HEATR4: variants seen among roughly 807,000 people sequenced by gnomAD.
The protein encoded by HEATR4 is HEAT repeat containing 4.
A neutral mutation model predicts 108.8 loss-of-function variants in HEATR4; 95 were observed. The ratio of observed to expected loss-of-function variants is 0.87; its 90% CI spans 0.74 to 1.04. HEATR4 has a LOEUF of 1.04. Among genes scored for constraint, HEATR4 ranks in the 50% least tolerant of loss-of-function variants. The pLI is 0.00. For missense variants in HEATR4, 1,152 were observed against 1,253.8 expected, an observed-to-expected ratio of 0.92 and a Z score of 1.23; for synonymous variants, 443 against 459.4, an observed-to-expected ratio of 0.96 and a Z score of 0.46.
At chr14:73,599,609 A>G in the HEATR4 span, among the ~76,000 whole-genome samples, 1 of 152,142 alleles carries the variant, frequency 6.6e-6, no homozygotes, top group Non-Finnish European at 1.5e-5. Flanking sequence ...CCATAAAAGT[A>G]GAGTCTCCAA....
the HEATR4 span, chr14:73,591,992 C>A: frequency 7.1e-7 from 1 of 1,418,268 alleles, no homozygotes; most frequent in Non-Finnish European, 9.2e-7. Context: ...AGCCCCCAGG[C>A]CGCTGCTGCT....
intron 1 of HEATR4, among the ~76,000 whole-genome samples, chr14:73,552,081 C>T (rs1305786571): frequency 8.7e-6 from 1 of 114,642 alleles, no homozygotes; most frequent in African/African-American, 2.8e-5. Flanking sequence ...TCCAAGTGAA[C>T]TTTCCTTTCT....
chr14:73,586,536 C>T, the HEATR4 span, among the ~76,000 whole-genome samples: 2 of 151,962 alleles, frequency 1.3e-5, no homozygotes, highest in Non-Finnish European at 2.9e-5. Flanking sequence ...AAAACCCCGC[C>T]TCTACTAAAA....
At chr14:73,504,409 A>AT (rs1241899417) in intron 10 of HEATR4, among the ~76,000 whole-genome samples, 1 of 151,558 alleles carries the variant, frequency 6.6e-6, no homozygotes, top group African/African-American at 2.4e-5. Flanking sequence ...CACCCGCCTA[A>AT]TTTTTTTTAT....
rs750363145 is a variant in HEATR4 at position 73,534,686 on chromosome 14, G to A, written c.-151-4442C>T. Among the ~76,000 whole-genome samples the A allele has an allele frequency of 1.1e-4, 12 of 113,904 alleles. 3 individuals are homozygous for A. Among genetic ancestry groups the A allele is most frequent in the African/African-American group, 2.9e-4 (10 of 34,936 alleles). The allele number at this position is 113,904 out of a possible 152,430, so 74.7% of individuals were successfully genotyped here. A position where few individuals can be genotyped will look rare whatever the true frequency, so the allele number is the denominator to read the frequency against. On this transcript the variant is annotated intron_variant, in intron 1 of 17. Coordinates refer to ENST00000553558, the MANE Select transcript of HEATR4 (RefSeq NM_001220484.1). ...CCTGGGTAACACAGTGAGACACCCC[G>A]TCTTAAAAAACAAACAAGCAAATAA...
At chr14:73,623,696 G>A in the HEATR4 span, among the ~76,000 whole-genome samples, 1 of 151,922 alleles carries the variant, frequency 6.6e-6, no homozygotes, top group South Asian at 2.1e-4. Flanking sequence ...AGAGAAATTT[G>A]CATCCCAATG....
chr14:73,492,126 C>G lies in HEATR4; in HGVS notation c.2844+940G>C. 2 of 1,613,966 alleles carry G rather than the reference C, an allele frequency of 1.2e-6. No individual in the cohort carries two copies. The highest frequency in any genetic ancestry group is 1.7e-6 in the Non-Finnish European group (2 of 1,179,846). On this transcript the variant is annotated intron_variant, in intron 17 of 17. Transcript: ENST00000553558. This position sits in a 1 kb window ranked among gnomAD's most constrained non-coding sequence, Gnocchi z 4.9. ...CCCCGAGTCCCAACCGAGGAACTGGCTCTGACATCCAGCCCCAACTTCAGT... is the reference window on the plus strand; with the variant it reads ...CCCCGAGTCCCAACCGAGGAACTGGGTCTGACATCCAGCCCCAACTTCAGT...
intron 15 of HEATR4, 141 bp downstream of exon 15, chr14:73,496,460 G>A: frequency 3.3e-6 from 2 of 598,606 alleles, no homozygotes; most frequent in Non-Finnish European, 6.0e-6. Flanking sequence ...ATCTTCAAAT[G>A]ATGTGGCATC....
the HEATR4 span, among the ~76,000 whole-genome samples, chr14:73,628,781 G>A: frequency 6.6e-6 from 1 of 151,388 alleles, no homozygotes; most frequent in Non-Finnish European, 1.5e-5. Context: ...TGCCACAGCA[G>A]TGGCTCATGC....
upstream of HEATR4, among the ~76,000 whole-genome samples, chr14:73,561,775 G>C (rs1211521400): frequency 6.6e-6 from 1 of 152,048 alleles, no homozygotes; most frequent in Non-Finnish European, 1.5e-5. Context: ...CTTGAATGTA[G>C]AAGTTCAAGA....
chr14:73,617,070 G>A, the HEATR4 span: 19 of 1,423,966 alleles, frequency 1.3e-5, no homozygotes, highest in Non-Finnish European at 1.7e-5. Context: ...CCTCCTGGCC[G>A]GACATGGTTT....
chr14:73,574,267 T>A, the HEATR4 span: 5 of 148,682 alleles, frequency 3.4e-5, no homozygotes, highest in African/African-American at 1.0e-4. Flanking sequence ...TCCAGTATTT[T>A]TTTTTTTTTT....
the HEATR4 span, among the ~76,000 whole-genome samples, chr14:73,585,144 A>G: frequency 6.6e-6 from 1 of 151,986 alleles, no homozygotes; most frequent in African/African-American, 2.4e-5. Flanking sequence ...TCTTACACCC[A>G]TGCACACACT....
At chr14:73,567,932 G>A in the HEATR4 span, 4 of 152,204 alleles carry the variant, frequency 2.6e-5, no homozygotes, top group African/African-American at 9.6e-5. Context: ...GAACATCAGA[G>A]GAAACAAACT....
intron 1 of HEATR4, among the ~76,000 whole-genome samples, chr14:73,549,567 G>A (rs1295592577): frequency 9.4e-6 from 1 of 106,024 alleles, no homozygotes; most frequent in Admixed American, 1.0e-4. Context: ...TGAACCTGGG[G>A]CTTCAGATCC....
rs189408218 is a variant in HEATR4 at position 73,533,270 on chromosome 14, T to C, written c.-151-3026A>G. On this transcript the variant is annotated intron_variant, in intron 1 of 17. Coordinates refer to ENST00000553558, the MANE Select transcript of HEATR4 (RefSeq NM_001220484.1). ...ACAGATATTTGTATACCCATGTTCA[T>C]AGCAGCATACTCACAATAGCCAAAC... Among the ~76,000 whole-genome samples, 609 of 115,608 alleles carry C rather than the reference T, an allele frequency of 5.3e-3. 142 individuals carry two copies. The highest frequency in any genetic ancestry group is 0.015 in the African/African-American group (550 of 35,556). 75.8% of individuals were successfully genotyped at this position (115,608 alleles called of 152,430 possible).
In HEATR4 at chr14:73,520,866, T is replaced by C. The variant is rs1224482338; in HGVS notation, c.1055A>G (p.Gln352Arg). The change falls in exon 4 of 18, where the codon CAG becomes CGG. Residue 352 changes from glutamine to arginine, a missense_variant. By Grantham distance (43) the Gln-to-Arg change is conservative. Coordinates refer to ENST00000553558, the MANE Select transcript of HEATR4 (RefSeq NM_001220484.1). ...FAYSTDNTFE[Q>R]EIYFDEVQII... Reference sequence around the variant, plus strand: ...AGCTCTATTACCAAAGTAAATCTCCTGTTCAAAGGTGTTGTCTGTGGAGTA... The same window carrying C: ...AGCTCTATTACCAAAGTAAATCTCCCGTTCAAAGGTGTTGTCTGTGGAGTA... The C allele has an allele frequency of 1.9e-6, 3 of 1,613,862 alleles. No homozygotes were observed. In the Admixed American group the frequency reaches 5.0e-5, roughly 27 times the overall value.
chr14:73,516,804 A>G lies in HEATR4; in HGVS notation c.1210+2219T>C, dbSNP rs1023846174. 3.9e-5 allele frequency among the ~76,000 whole-genome samples: 6 copies of G among 152,284 alleles called. No homozygotes were observed. In the East Asian group the frequency reaches 1.2e-3, roughly 29 times the overall value. The stretch of plus-strand genomic sequence containing the variant: ...GCATGAACCTTACTGTGAACTGCAC[A>G]TGTGAGGGGTCTAGGCTGCGCACCC... On this transcript the variant is annotated intron_variant, in intron 5 of 17. Coordinates refer to ENST00000553558, the MANE Select transcript of HEATR4 (RefSeq NM_001220484.1).
chr14:73,527,975 A>G (rs1888445433), intron 2 of HEATR4, among the ~76,000 whole-genome samples: 1 of 151,538 alleles, frequency 6.6e-6, no homozygotes, highest in African/African-American at 2.4e-5. Context: ...AAAAAAAAAA[A>G]AAAAAAAAAA....
Sources: gnomAD v4.1 joint callset for allele counts (sites outside exome capture counted in the v4.1 genomes callset) on GRCh38, gnomAD v4.1.1 for gene constraint, Gnocchi (gnomAD v3.1) non-coding constraint, MANE v1.5 for transcripts, NCBI Gene and HGNC (gene_info 2026-07-23, HGNC 2026-07-21) for gene names.